The following PLXDC2 variants were observed in gnomAD, a reference collection of about 807,000 sequenced individuals.
PLXDC2 encodes plexin domain containing 2.
PLXDC2 carries 40 observed loss-of-function variants against 68.9 expected under a neutral mutation model. That is an observed-to-expected ratio of 0.58 (90% CI 0.45 to 0.76). The LOEUF (loss-of-function observed/expected upper bound fraction) is 0.76. PLXDC2 is among the 30% of genes least tolerant of loss of function. The probability of loss-of-function intolerance (pLI) is 0.00; values close to 1 mark genes in which losing one functional copy is unlikely to be tolerated. For missense variants in PLXDC2, 644 were observed against 661.9 expected (o/e 0.97, Z 0.30); for synonymous variants, 243 against 234.2 (o/e 1.04, Z -0.34).
chr10:20,262,480 T>A (rs910282087), intron 13 of PLXDC2, among the ~76,000 whole-genome samples: 1 of 152,180 alleles, frequency 6.6e-6, no homozygotes, highest in Admixed American at 6.5e-5. Flanking sequence ...CTCCTGTATA[T>A]ACCTCCCTCC....
chr10:19,890,294 T>C (rs1467658), intron 1 of PLXDC2, among the ~76,000 whole-genome samples: 122,860 of 151,974 alleles, frequency 0.81, 50,051 homozygotes, highest in East Asian at 0.98. Flanking sequence ...AGGTTTGTTA[T>C]GTGGATGTAC....
intron 4 of PLXDC2, among the ~76,000 whole-genome samples, chr10:20,089,830 A>G (rs751670628): frequency 2.6e-5 from 4 of 152,244 alleles, no homozygotes; most frequent in Non-Finnish European, 5.9e-5. Context: ...TAACTGATAT[A>G]AGAAACACAG....
chr10:19,888,841 A>G (rs1837896051), intron 1 of PLXDC2, among the ~76,000 whole-genome samples: 1 of 152,128 alleles, frequency 6.6e-6, no homozygotes, highest in African/African-American at 2.4e-5. Flanking sequence ...ATGAGCTGGA[A>G]ATCAGGCAAG....
chr10:19,853,393 ATTTTT>A (rs1389090387), intron 1 of PLXDC2, among the ~76,000 whole-genome samples: 1 of 151,540 alleles, frequency 6.6e-6, no homozygotes, highest in East Asian at 1.9e-4. Context: ...CTCCTCCTTT[ATTTTT>A]ATTTTTTAAT....
chr10:20,163,160 T>A (rs2131813566), intron 6 of PLXDC2, among the ~76,000 whole-genome samples: 1 of 152,318 alleles, frequency 6.6e-6, no homozygotes, highest in Non-Finnish European at 1.5e-5. Context: ...AAGACTAATT[T>A]ATATTGGTTA....
chr10:19,829,423 T>C (rs1437740597), intron 1 of PLXDC2, among the ~76,000 whole-genome samples: 1 of 152,190 alleles, frequency 6.6e-6, no homozygotes, highest in Non-Finnish European at 1.5e-5. Flanking sequence ...AGAGTTTTGT[T>C]GATACTTTCT....
intron 3 of PLXDC2, among the ~76,000 whole-genome samples, chr10:20,066,184 G>A (rs959329763): frequency 5.3e-5 from 8 of 152,244 alleles, no homozygotes; most frequent in Non-Finnish European, 2.9e-5. Context: ...GAGCATTTCA[G>A]TCACTGGTGT....
intron 1 of PLXDC2, among the ~76,000 whole-genome samples, chr10:19,942,333 G>A (rs1413527961): frequency 6.6e-6 from 1 of 152,106 alleles, no homozygotes; most frequent in African/African-American, 2.4e-5. Flanking sequence ...GGTATTTTGT[G>A]GTTATTGTTT....
intron 1 of PLXDC2, among the ~76,000 whole-genome samples, chr10:19,929,130 G>A (rs1190062505): frequency 6.6e-6 from 1 of 151,808 alleles, no homozygotes; most frequent in Non-Finnish European, 1.5e-5. Context: ...TCTAATCCCA[G>A]CACTTTGGGA....
intron 3 of PLXDC2, among the ~76,000 whole-genome samples, chr10:20,049,689 A>G (rs1835860041): frequency 6.6e-6 from 1 of 152,100 alleles, no homozygotes; most frequent in Non-Finnish European, 1.5e-5. Flanking sequence ...ATTACAAAAC[A>G]CTGCTCAAAG....
chr10:20,288,584 T>C lies in PLXDC2; in HGVS notation c.*8765T>C, dbSNP rs530769792. 6.8e-4 allele frequency: 103 copies of C among 152,362 alleles called. No individual in the cohort carries two copies. Among genetic ancestry groups the C allele is most frequent in the African/African-American group, 2.4e-3 (101 of 41,590 alleles). The allele number at this position is 152,362 out of a possible 1,614,324, so 9.4% of individuals were successfully genotyped here. ...ATGCTACATACTTCTGCAAGCTTCC[T>C]GATTATGTTCACTGTAATATTAATG... On this transcript the variant is annotated 3_prime_UTR_variant, in exon 14 of 14. Transcript: ENST00000377252.
chr10:20,039,026 C>A (rs947786295), intron 2 of PLXDC2, among the ~76,000 whole-genome samples: 1 of 152,126 alleles, frequency 6.6e-6, no homozygotes, highest in Non-Finnish European at 1.5e-5. Flanking sequence ...CTGAAATGAA[C>A]TGATTGGATA....
At chr10:20,005,149 C>G (rs1022957077) in intron 2 of PLXDC2, among the ~76,000 whole-genome samples, 1 of 152,182 alleles carries the variant, frequency 6.6e-6, no homozygotes, top group African/African-American at 2.4e-5. Context: ...GGTTGATCCT[C>G]TAGGCTTGAC....
chr10:19,870,130 G>A (rs1477536296), intron 1 of PLXDC2, among the ~76,000 whole-genome samples: 1 of 152,162 alleles, frequency 6.6e-6, no homozygotes, highest in Non-Finnish European at 1.5e-5. Flanking sequence ...GAACAAACTT[G>A]GGGTCTTATT....
chr10:20,023,930 TAAC>T (rs1244587796), intron 2 of PLXDC2, among the ~76,000 whole-genome samples: 3 of 152,108 alleles, frequency 2.0e-5, no homozygotes, highest in African/African-American at 7.2e-5. Context: ...ACCCTAGAAA[TAAC>T]AACAATTAAG....
intron 1 of PLXDC2, among the ~76,000 whole-genome samples, chr10:19,989,821 C>T (rs1834716225): frequency 1.4e-5 from 2 of 147,602 alleles, no homozygotes; most frequent in South Asian, 2.1e-4. Context: ...GTGATCTTGA[C>T]TCACTGCAAC....
At chr10:20,173,606 T>G (rs971331161) in intron 7 of PLXDC2, among the ~76,000 whole-genome samples, 1 of 152,218 alleles carries the variant, frequency 6.6e-6, no homozygotes, top group African/African-American at 2.4e-5. Flanking sequence ...TCTCTCTGTG[T>G]GTTAATCCGC....
At chr10:20,022,843 T>G (rs781257609) in intron 2 of PLXDC2, among the ~76,000 whole-genome samples, 1 of 152,060 alleles carries the variant, frequency 6.6e-6, no homozygotes, top group South Asian at 2.1e-4. Flanking sequence ...CTTGCAACTT[T>G]CCTAGAGTTT....
rs34795606 is a variant in PLXDC2 at position 19,833,947 on chromosome 10, C to CT, written c.112+16771dup. ...AGTTTCCTGGGCATTTCATATTTTG[C>CT]TTTTTTTTTTTTTTTCTCCAGAACT... is the stretch of plus-strand genomic sequence containing the variant. On this transcript the variant is annotated intron_variant, in intron 1 of 13. Transcript: ENST00000377252. Among the ~76,000 whole-genome samples the CT allele has an allele frequency of 7.6e-3, 1,067 of 140,464 alleles. 10 individuals carry two copies. The highest frequency in any genetic ancestry group is 0.022 in the African/African-American group (819 of 38,092). 92.1% of individuals were successfully genotyped at this position (140,464 alleles called of 152,430 possible).
Sources: gnomAD v4.1 joint callset for allele counts (sites outside exome capture counted in the v4.1 genomes callset) on GRCh38, gnomAD v4.1.1 for gene constraint, MANE v1.5 for transcripts, NCBI Gene and HGNC (gene_info 2026-07-23, HGNC 2026-07-21) for gene names.